TUSC3: variants seen among roughly 807,000 people sequenced by gnomAD.
TUSC3 encodes tumor suppressor candidate 3.
Under a neutral mutation model 44.8 loss-of-function variants are expected in TUSC3, and 45 were observed. The observed-to-expected ratio is 1.00, with a 90% CI of 0.79 to 1.29. TUSC3 has a LOEUF of 1.29. TUSC3 is among the 50% of genes most tolerant of loss of function. The probability of loss-of-function intolerance (pLI) is 0.00; values close to 1 mark genes in which losing one functional copy is unlikely to be tolerated. For synonymous variants in TUSC3, 212 were observed against 152.9 expected, an observed-to-expected ratio of 1.39 and a Z score of -2.85; for missense variants, 519 against 437.9, an observed-to-expected ratio of 1.19 and a Z score of -1.65.
At chr8:15,485,400 C>T (rs1328372514) in intron 2 of TUSC3, among the ~76,000 whole-genome samples, 2 of 150,754 alleles carry the variant, frequency 1.3e-5, no homozygotes, top group Non-Finnish European at 2.9e-5. Context: ...TAAAATATGA[C>T]ATGGGTTTTG....
intron 1 of TUSC3, among the ~76,000 whole-genome samples, chr8:15,453,750 G>A (rs965889723): frequency 1.4e-4 from 21 of 152,170 alleles, no homozygotes; most frequent in African/African-American, 4.6e-4. Context: ...GTCAGACAGA[G>A]CAGGGCGGGA....
intron 3 of TUSC3, among the ~76,000 whole-genome samples, chr8:15,655,285 A>C (rs1412769022): frequency 6.6e-6 from 1 of 152,156 alleles, no homozygotes. Flanking sequence ...AAGCATGCGC[A>C]CCAAGAGACA....
chr8:15,836,458 C>A, the TUSC3 span, among the ~76,000 whole-genome samples: 62 of 137,662 alleles, frequency 4.5e-4, no homozygotes, highest in Admixed American at 1.0e-3. Flanking sequence ...GCCTGGGCAA[C>A]AGAGTGAGAC....
At chr8:15,504,705 T>G (rs1801029959) in intron 2 of TUSC3, among the ~76,000 whole-genome samples, 1 of 142,188 alleles carries the variant, frequency 7.0e-6, no homozygotes, top group African/African-American at 2.6e-5. Flanking sequence ...CAGGCTGGAG[T>G]GCAGTGGTGC....
At chr8:15,842,618 G>C in the TUSC3 span, among the ~76,000 whole-genome samples, 2 of 152,036 alleles carry the variant, frequency 1.3e-5, no homozygotes, top group East Asian at 3.9e-4. Context: ...ACACAGGAGA[G>C]AAAGAAGGCT....
At chr8:15,460,459 G>A (rs1245452209) in intron 1 of TUSC3, among the ~76,000 whole-genome samples, 1 of 152,058 alleles carries the variant, frequency 6.6e-6, no homozygotes, top group Non-Finnish European at 1.5e-5. Context: ...TATAGATTGT[G>A]AAGATTTTCT....
At chr8:15,591,672 G>A (rs1803842607) in intron 1 of TUSC3, among the ~76,000 whole-genome samples, 1 of 152,138 alleles carries the variant, frequency 6.6e-6, no homozygotes, top group Non-Finnish European at 1.5e-5. Flanking sequence ...CCACATTTCA[G>A]TGCAGATCTG....
At chr8:15,444,504 A>G (rs1412598450) in intron 1 of TUSC3, among the ~76,000 whole-genome samples, 1 of 152,174 alleles carries the variant, frequency 6.6e-6, no homozygotes, top group Non-Finnish European at 1.5e-5. Context: ...GACCAGGGTA[A>G]TGAGACATTA....
chr8:15,641,089 G>A (rs769008323), intron 2 of TUSC3, among the ~76,000 whole-genome samples: 14 of 152,026 alleles, frequency 9.2e-5, no homozygotes, highest in East Asian at 1.9e-4. Context: ...GGCCGGGCGC[G>A]GTGGCTCACA....
intron 6 of TUSC3, among the ~76,000 whole-genome samples, chr8:15,683,189 T>C (rs1321764166): frequency 6.6e-6 from 1 of 152,216 alleles, no homozygotes; most frequent in Non-Finnish European, 1.5e-5. Flanking sequence ...ATTTGCACTT[T>C]CATTTCTCTA....
the TUSC3 span, among the ~76,000 whole-genome samples, chr8:15,796,640 T>C: frequency 3.2e-4 from 49 of 152,326 alleles, no homozygotes; most frequent in African/African-American, 1.1e-3. Flanking sequence ...AGGGGACCAC[T>C]GTGGACTGAA....
Position 15,643,423 on chromosome 8 carries a change from T to TA in TUSC3, c.309-7272dup, listed in dbSNP as rs1806476509. ...TTACTGTTAGTTGTTTTTTTTTTTT[T>TA]AAGGAGAACCAAAATTTCTTTGACT... On this transcript the variant is annotated intron_variant, in intron 2 of 10. Transcript: ENST00000503731. 2.0e-5 allele frequency among the ~76,000 whole-genome samples: 3 copies of TA among 151,906 alleles called. No individual in the cohort carries two copies. In the South Asian group the frequency reaches 6.2e-4, roughly 31 times the overall value.
At chr8:15,806,509 G>C in the TUSC3 span, 1 of 1,123,972 alleles carries the variant, frequency 8.9e-7, no homozygotes, top group Non-Finnish European at 1.4e-6. Context: ...CTTTCTCAGG[G>C]TCATCAGTGA....
intron 2 of TUSC3, among the ~76,000 whole-genome samples, chr8:15,531,335 T>A (rs1238897335): frequency 6.6e-6 from 1 of 152,150 alleles, no homozygotes; most frequent in Non-Finnish European, 1.5e-5. Flanking sequence ...CATTGCAACC[T>A]CCATCTCCTG....
intron 6 of TUSC3, among the ~76,000 whole-genome samples, chr8:15,684,287 C>G (rs531153529): frequency 1.3e-5 from 2 of 152,090 alleles, no homozygotes; most frequent in Non-Finnish European, 2.9e-5. Flanking sequence ...CCTTGGGAAC[C>G]CACTGTTCCT....
chr8:15,746,985 A>C (rs1811445198), intron 8 of TUSC3, among the ~76,000 whole-genome samples: 1 of 152,020 alleles, frequency 6.6e-6, no homozygotes, highest in Admixed American at 6.6e-5. Context: ...TATTCATTTG[A>C]AGTTCAGCTG....
the TUSC3 span, among the ~76,000 whole-genome samples, chr8:15,793,757 C>A: frequency 2.0e-5 from 3 of 152,288 alleles, no homozygotes; most frequent in African/African-American, 7.2e-5. Flanking sequence ...AAATGTGGAA[C>A]AACACCTGGC....
At chr8:15,577,864 G>A (rs1803177071) in intron 1 of TUSC3, among the ~76,000 whole-genome samples, 1 of 150,718 alleles carries the variant, frequency 6.6e-6, no homozygotes, top group Admixed American at 6.6e-5. Context: ...GTCATTGGTA[G>A]CTTGATGGGG....
chr8:15,852,018 T>C, the TUSC3 span, among the ~76,000 whole-genome samples: 24 of 152,224 alleles, frequency 1.6e-4, no homozygotes, highest in Non-Finnish European at 2.2e-4. Flanking sequence ...GCCTTTTGCC[T>C]TCCACCATGA....
Sources: gnomAD v4.1 joint callset for allele counts (sites outside exome capture counted in the v4.1 genomes callset) on GRCh38, gnomAD v4.1.1 for gene constraint, MANE v1.5 for transcripts, NCBI Gene and HGNC (gene_info 2026-07-23, HGNC 2026-07-21) for gene names.